Variants in ANKDD1B observed in about 807,000 individuals in gnomAD.
The protein encoded by ANKDD1B is ankyrin repeat and death domain containing 1B, also known as ankyrin repeat and death domain-containing protein 1B.
Under a neutral mutation model 59.7 loss-of-function variants are expected in ANKDD1B, and 57 were observed. That is an observed-to-expected ratio of 0.95 (90% CI 0.77 to 1.19). The LOEUF (loss-of-function observed/expected upper bound fraction) is 1.19. ANKDD1B is among the 50% of genes most tolerant of loss of function. The pLI is 0.00. For missense variants in ANKDD1B, 602 were observed against 641.9 expected, an observed-to-expected ratio of 0.94 and a Z score of 0.67; for synonymous variants, 216 against 239.5, an observed-to-expected ratio of 0.90 and a Z score of 0.91.
chr5:75,656,257 C>G (rs1351942631), intron 9 of ANKDD1B, 130 bp downstream of exon 9: 4 of 507,830 alleles, frequency 7.9e-6, no homozygotes, highest in East Asian at 3.3e-5. Flanking sequence ...TCCTTTTTAT[C>G]CTTTTCCTTC....
chr5:75,666,403 A>G (rs933951249), intron 11 of ANKDD1B, among the ~76,000 whole-genome samples: 7 of 152,178 alleles, frequency 4.6e-5, no homozygotes, highest in Admixed American at 6.5e-5. Flanking sequence ...CGAAGCTTCA[A>G]TATGAGAACA....
At chr5:75,648,274 A>AAAAAATC (rs796271691) in intron 7 of ANKDD1B, among the ~76,000 whole-genome samples, 1 of 147,914 alleles carries the variant, frequency 6.8e-6, no homozygotes, top group South Asian at 2.2e-4. Flanking sequence ...AATTAAAAAA[A>AAAAAATC]AAAAAAAAAG....
At chr5:75,647,270 G>A (rs1460855032) in intron 7 of ANKDD1B, among the ~76,000 whole-genome samples, 1 of 116,894 alleles carries the variant, frequency 8.6e-6, no homozygotes, top group Admixed American at 8.1e-5. Context: ...TTAAACTAAA[G>A]AGCTTCTGCA....
chr5:75,663,718 G>T (rs1007335502), intron 11 of ANKDD1B, among the ~76,000 whole-genome samples: 1 of 152,226 alleles, frequency 6.6e-6, no homozygotes, highest in Non-Finnish European at 1.5e-5. Context: ...AGTTCACTAG[G>T]GCCAAGCGGC....
chr5:75,621,784 G>A (rs1280425675), intron 3 of ANKDD1B, among the ~76,000 whole-genome samples: 1 of 152,160 alleles, frequency 6.6e-6, no homozygotes, highest in Non-Finnish European at 1.5e-5. Context: ...TGAAATGATG[G>A]AGAGATATTT....
At chr5:75,626,996 C>T (rs909860518) in intron 5 of ANKDD1B, among the ~76,000 whole-genome samples, 2 of 152,126 alleles carry the variant, frequency 1.3e-5, no homozygotes, top group African/African-American at 4.8e-5. Flanking sequence ...CATTTGTTTT[C>T]TGACCTTAAT....
At position 75,669,289 on chromosome 5, in the gene ANKDD1B, G is replaced by A. The variant is rs1162014458; in HGVS notation, c.1431G>A (p.Leu477=). 85 of 1,232,046 alleles carry A rather than the reference G, an allele frequency of 6.9e-5. No individual in the cohort carries two copies. The highest frequency in any genetic ancestry group is 8.3e-5 in the Non-Finnish European group (82 of 987,974). 76.3% of individuals were successfully genotyped at this position (1,232,046 alleles called of 1,614,324 possible). ...TCCGTGAACATGGCCACAGGGCTCT[G>A]CTTATCTGGCTACACGGGACCCTGA... ...ESFREHGHRA[L]LIWLHGTLMT... is the part of the protein sequence containing the mutation. Residue 477 remains leucine, a synonymous_variant, in exon 13 of 14, where the codon CTG becomes CTA. Transcript: ENST00000601380.
chr5:75,635,652 C>T (rs1419566370), intron 6 of ANKDD1B, 132 bp from the exon 7 acceptor site: 5 of 447,354 alleles, frequency 1.1e-5, no homozygotes, highest in Non-Finnish European at 2.0e-5. Flanking sequence ...ACTGCAGATA[C>T]AGTGGTCCAC....
intron 7 of ANKDD1B, among the ~76,000 whole-genome samples, chr5:75,638,086 A>T (rs1321294786): frequency 6.6e-6 from 1 of 152,202 alleles, no homozygotes; most frequent in Non-Finnish European, 1.5e-5. Context: ...TTTTGGAGGG[A>T]CACAAATATT....
chr5:75,658,717 A>G (rs1306987845), intron 9 of ANKDD1B, among the ~76,000 whole-genome samples: 1 of 152,208 alleles, frequency 6.6e-6, no homozygotes, highest in Non-Finnish European at 1.5e-5. Flanking sequence ...ATCATTTCCT[A>G]AAGTTTCAAA....
intron 2 of ANKDD1B, among the ~76,000 whole-genome samples, chr5:75,619,216 A>C (rs1773786773): frequency 6.6e-6 from 1 of 152,244 alleles, no homozygotes; most frequent in Non-Finnish European, 1.5e-5. Context: ...CTACCACAAA[A>C]GACTGCAAAA....
intron 10 of ANKDD1B, 87 bp downstream of exon 10, chr5:75,659,468 T>C (rs1775061091): frequency 2.1e-6 from 2 of 947,068 alleles, no homozygotes; most frequent in Non-Finnish European, 3.3e-6. Context: ...GTTATTGGAA[T>C]ATCCTTTGTG....
chr5:75,629,885 C>A (rs1774103502), intron 5 of ANKDD1B, among the ~76,000 whole-genome samples: 1 of 152,206 alleles, frequency 6.6e-6, no homozygotes, highest in Non-Finnish European at 1.5e-5. Flanking sequence ...CTGCAGTGAG[C>A]TGAGATCATG....
chr5:75,615,538 G>A (rs531055347), intron 1 of ANKDD1B, among the ~76,000 whole-genome samples: 73 of 152,218 alleles, frequency 4.8e-4, no homozygotes, highest in Middle Eastern at 6.8e-3. Context: ...TCAAACCACA[G>A]ACAATTATTT....
At chr5:75,660,860 A>G (rs1368668226) in intron 10 of ANKDD1B, among the ~76,000 whole-genome samples, 1 of 152,146 alleles carries the variant, frequency 6.6e-6, no homozygotes, top group African/African-American at 2.4e-5. Flanking sequence ...GTGCTTTGCT[A>G]CAACTGTCAG....
Position 75,659,199 on chromosome 5 carries a change from T to C in ANKDD1B, c.997-84T>C, listed in dbSNP as rs531659969. The C allele has an allele frequency of 8.4e-4, 794 of 945,138 alleles. 9 individuals are homozygous for C. The highest frequency in any genetic ancestry group is 7.7e-3 in the South Asian group (551 of 72,010). 58.5% of individuals were successfully genotyped at this position (945,138 alleles called of 1,614,324 possible). ...ATTAAAAAATATATGACCTGTGTTT[T>C]CCCTTGAACCTAAATAGGATGGCTA... On this transcript the variant is annotated intron_variant, in intron 9 of 13. Transcript: ENST00000601380.
chr5:75,640,974 A>G (rs1003813490), intron 7 of ANKDD1B, among the ~76,000 whole-genome samples: 1 of 152,000 alleles, frequency 6.6e-6, no homozygotes, highest in Non-Finnish European at 1.5e-5. Context: ...AGAAACAGAC[A>G]CTCTATTCTA....
rs137909595 is a variant in ANKDD1B at position 75,627,077 on chromosome 5, C to T, written c.600+1122C>T. ...GGTCTATAAACTTCTTTGACTTCCT[C>T]TACATATGATTAAACAACTATACAT... On this transcript the variant is annotated intron_variant, in intron 5 of 13. Coordinates refer to ENST00000601380, the MANE Select transcript of ANKDD1B (RefSeq NM_001276713.2). 2.0e-3 allele frequency among the ~76,000 whole-genome samples: 304 copies of T among 152,256 alleles called. 2 individuals carry two copies. Among genetic ancestry groups the T allele is most frequent in the African/African-American group, 6.3e-3 (260 of 41,540 alleles).
At chr5:75,653,867 G>A (rs1376876212) in intron 8 of ANKDD1B, among the ~76,000 whole-genome samples, 1 of 152,156 alleles carries the variant, frequency 6.6e-6, no homozygotes, top group Non-Finnish European at 1.5e-5. Context: ...ATAGTTTTTG[G>A]AGCATGGTGT....
Sources: gnomAD v4.1 joint callset for allele counts (sites outside exome capture counted in the v4.1 genomes callset) on GRCh38, gnomAD v4.1.1 for gene constraint, MANE v1.5 for transcripts, NCBI Gene and HGNC (gene_info 2026-07-23, HGNC 2026-07-21) for gene names.